CHCT1: variants seen among roughly 807,000 people sequenced by gnomAD.
The protein encoded by CHCT1 is CHD1 helical C-terminal domain containing 1.
chr17:60,421,367 C>A, the CHCT1 span: 32 of 985,490 alleles, frequency 3.2e-5, no homozygotes, highest in African/African-American at 5.2e-4. Flanking sequence ...TCCGGGCTAC[C>A]CCTACTTGAA....
At chr17:60,429,864 A>G in the CHCT1 span, among the ~76,000 whole-genome samples, 2 of 151,908 alleles carry the variant, frequency 1.3e-5, no homozygotes, top group Admixed American at 1.3e-4. Context: ...TCGCTCTGTC[A>G]CCCAGGCTGG....
the CHCT1 span, chr17:60,429,518 C>A: frequency 6.2e-7 from 1 of 1,614,220 alleles, no homozygotes; most frequent in Non-Finnish European, 8.5e-7. Context: ...AGGGAGCCCC[C>A]TGCCTGGGCA....
chr17:60,422,013 T>TACCCAGC, the CHCT1 span: 43,521 of 908,084 alleles, frequency 0.048, 5,073 homozygotes, highest in African/African-American at 0.4. Context: ...TCCCACCCAG[T>TACCCAGC]ACCCAGCACC....
At chr17:60,422,579 G>C in the CHCT1 span, 1 of 1,550,160 alleles carries the variant, frequency 6.5e-7, no homozygotes, top group Non-Finnish European at 8.7e-7. Flanking sequence ...GAGCCTACCG[G>C]CACACCTGCT....
At chr17:60,426,892 G>A in the CHCT1 span, 13 of 1,537,904 alleles carry the variant, frequency 8.5e-6, no homozygotes, top group Admixed American at 2.0e-5. Context: ...GGGAGGCCTG[G>A]GATTGACACA....
At chr17:60,425,098 A>C in the CHCT1 span, among the ~76,000 whole-genome samples, 8 of 152,098 alleles carry the variant, frequency 5.3e-5, no homozygotes, top group Non-Finnish European at 4.4e-5. Flanking sequence ...CTGACCAATC[A>C]ATGGCCCCAG....
At chr17:60,421,820 C>G in the CHCT1 span, 1 of 981,744 alleles carries the variant, frequency 1.0e-6, no homozygotes, top group Non-Finnish European at 1.2e-6. Context: ...GGGACTTTCG[C>G]CGACACCCGG....
chr17:60,422,464 T>TG, the CHCT1 span: 1 of 1,524,142 alleles, frequency 6.6e-7, no homozygotes, highest in Non-Finnish European at 8.8e-7. Flanking sequence ...GCGGTTGCCG[T>TG]GGCTTTGCTC....
At chr17:60,429,580 G>A in the CHCT1 span, 10 of 1,608,362 alleles carry the variant, frequency 6.2e-6, no homozygotes, top group South Asian at 1.1e-5. Flanking sequence ...TGGTGTTGGG[G>A]TGATGCCTGG....
the CHCT1 span, among the ~76,000 whole-genome samples, chr17:60,423,108 G>C: frequency 6.6e-6 from 1 of 152,098 alleles, no homozygotes; most frequent in African/African-American, 2.4e-5. Flanking sequence ...GCTTTTGAAA[G>C]GTGAGGGGCA....
the CHCT1 span, among the ~76,000 whole-genome samples, chr17:60,428,989 G>A: frequency 3.3e-5 from 5 of 150,468 alleles, no homozygotes; most frequent in South Asian, 8.4e-4. Context: ...TGCAACCTCC[G>A]CCTTCAGGGT....
chr17:60,425,623 G>A, the CHCT1 span, among the ~76,000 whole-genome samples: 2 of 152,220 alleles, frequency 1.3e-5, no homozygotes, highest in Admixed American at 1.3e-4. Context: ...TTTCAGAGAT[G>A]GGTTTCTTTG....
the CHCT1 span, chr17:60,429,629 G>T: frequency 6.7e-7 from 1 of 1,498,638 alleles, no homozygotes. Flanking sequence ...TGTTTCCCAA[G>T]AGTAGACTCA....
At chr17:60,424,906 C>A in the CHCT1 span, among the ~76,000 whole-genome samples, 1 of 152,044 alleles carries the variant, frequency 6.6e-6, no homozygotes, top group African/African-American at 2.4e-5. Flanking sequence ...CAAGGATACT[C>A]CCTTAACTGC....
the CHCT1 span, among the ~76,000 whole-genome samples, chr17:60,423,671 G>A: frequency 2.0e-5 from 3 of 152,156 alleles, no homozygotes; most frequent in Non-Finnish European, 4.4e-5. Context: ...TTGCCATGCT[G>A]GCCAGGCTGG....
At chr17:60,426,253 G>A in the CHCT1 span, 2 of 1,552,026 alleles carry the variant, frequency 1.3e-6, no homozygotes, top group African/African-American at 1.4e-5. Flanking sequence ...AGTACATGAA[G>A]CAGAGCCTTG....
chr17:60,422,749 T>A, the CHCT1 span: 1 of 1,176,890 alleles, frequency 8.5e-7, no homozygotes, highest in Non-Finnish European at 1.2e-6. Flanking sequence ...AATGATAGGG[T>A]ACCTGAGATA....
the CHCT1 span, among the ~76,000 whole-genome samples, chr17:60,425,593 T>C: frequency 1.3e-5 from 2 of 152,224 alleles, no homozygotes; most frequent in Non-Finnish European, 1.5e-5. Flanking sequence ...TGGAATATTC[T>C]AGGTTTTCTA....
At chr17:60,423,970 G>T in the CHCT1 span, among the ~76,000 whole-genome samples, 1 of 152,224 alleles carries the variant, frequency 6.6e-6, no homozygotes, top group Non-Finnish European at 1.5e-5. Context: ...CGAAGCATCT[G>T]CTTCTGGTGA....
Sources: gnomAD v4.1 joint callset for allele counts (sites outside exome capture counted in the v4.1 genomes callset) on GRCh38, gnomAD v4.1.1 for gene constraint, MANE v1.5 for transcripts, NCBI Gene and HGNC (gene_info 2026-07-23, HGNC 2026-07-21) for gene names.